The following LHFPL6 variants were observed in gnomAD, a reference collection of about 807,000 sequenced individuals.
LHFPL6 encodes the protein LHFPL tetraspan subfamily member 6 protein.
In LHFPL6, 9 loss-of-function variants were observed where a neutral mutation model predicts 20.6. That is an observed-to-expected ratio of 0.44 (90% CI 0.26 to 0.76). LHFPL6 has a LOEUF of 0.76. Among genes scored for constraint, LHFPL6 ranks in the 30% least tolerant of loss-of-function variants. LHFPL6 has a pLI of 0.20. For synonymous variants in LHFPL6, 105 were observed against 98.7 expected (o/e 1.06, Z -0.38); for missense variants, 218 against 253.5 (o/e 0.86, Z 0.95).
chr13:39,552,553 G>A (rs1305018534), intron 2 of LHFPL6, among the ~76,000 whole-genome samples: 1 of 152,102 alleles, frequency 6.6e-6, no homozygotes, highest in African/African-American at 2.4e-5. Flanking sequence ...ACTTCATAAG[G>A]GACACATTCA....
chr13:39,603,172 G>A lies in LHFPL6; in HGVS notation c.-464C>T, dbSNP rs1873029652. On this transcript the variant is annotated 5_prime_UTR_variant, in exon 1 of 4. Transcript: ENST00000379589. ...CGCGCGCGGGCGCCGGGGATCGCAC[G>A]CAGAGGAGCGGATCTCCCTTTGGCA... The A allele has an allele frequency of 6.6e-6, 1 of 152,312 alleles. No individual in the cohort carries two copies. The highest frequency in any genetic ancestry group is 2.4e-5 in the African/African-American group (1 of 41,450). 9.4% of individuals were successfully genotyped at this position (152,312 alleles called of 1,614,324 possible).
At chr13:39,357,693 A>G (rs574224553) in intron 3 of LHFPL6, among the ~76,000 whole-genome samples, 17 of 152,346 alleles carry the variant, frequency 1.1e-4, no homozygotes, top group African/African-American at 3.8e-4. Flanking sequence ...TAGCATTTTT[A>G]TACACCAATC....
rs112214926 is a variant in LHFPL6, at chr13:39,482,655, C to T, written c.386-104129G>A. ...ACAGAGAATTAACTACTGGATTTGG[C>T]AAAACTGAGGTCATAGGTAACTTCA... On this transcript the variant is annotated intron_variant, in intron 2 of 3. Transcript: ENST00000379589. Among the ~76,000 whole-genome samples, 367 of 152,168 alleles carry T rather than the reference C, an allele frequency of 2.4e-3. 2 individuals are homozygous for T. The highest frequency in any genetic ancestry group is 8.0e-3 in the African/African-American group (334 of 41,510).
chr13:39,457,547 G>C (rs2148932), intron 2 of LHFPL6, among the ~76,000 whole-genome samples: 28,532 of 152,156 alleles, frequency 0.19, 2,956 homozygotes, highest in Non-Finnish European at 0.24. Context: ...AAATCATACA[G>C]GTACTTGGGA....
chr13:39,493,559 C>T (rs189053194), intron 2 of LHFPL6, among the ~76,000 whole-genome samples: 2 of 152,230 alleles, frequency 1.3e-5, no homozygotes, highest in African/African-American at 2.4e-5. Flanking sequence ...AGGATAATCA[C>T]CACTTTTTAA....
At chr13:39,346,995 ACTT>A (rs1442806665) in intron 3 of LHFPL6, among the ~76,000 whole-genome samples, 1 of 147,146 alleles carries the variant, frequency 6.8e-6, no homozygotes, top group Non-Finnish European at 1.5e-5. Flanking sequence ...CATAAGAATC[ACTT>A]GAACCCGGGA....
At chr13:39,532,697 A>G (rs146074125) in intron 2 of LHFPL6, among the ~76,000 whole-genome samples, 117 of 152,298 alleles carry the variant, frequency 7.7e-4, no homozygotes, top group African/African-American at 2.5e-3. Flanking sequence ...GACTAGTAAA[A>G]TACAATATAA....
At chr13:39,451,046 T>C (rs1027317084) in intron 2 of LHFPL6, among the ~76,000 whole-genome samples, 19 of 152,202 alleles carry the variant, frequency 1.2e-4, no homozygotes, top group African/African-American at 4.3e-4. Flanking sequence ...ATATTTTATT[T>C]CTACTCTCCG....
At chr13:39,472,899 C>A (rs901543347) in intron 2 of LHFPL6, among the ~76,000 whole-genome samples, 14 of 152,228 alleles carry the variant, frequency 9.2e-5, no homozygotes, top group Admixed American at 2.0e-4. Flanking sequence ...GCGTGAGCCA[C>A]CGTGCCCGGC....
At chr13:39,417,894 A>G (rs1871384924) in intron 2 of LHFPL6, among the ~76,000 whole-genome samples, 1 of 152,334 alleles carries the variant, frequency 6.6e-6, no homozygotes, top group Admixed American at 6.5e-5. Flanking sequence ...AAAGGAAGAA[A>G]GGAGCATGGG....
At chr13:39,494,221 C>T (rs2138456857) in intron 2 of LHFPL6, among the ~76,000 whole-genome samples, 1 of 152,330 alleles carries the variant, frequency 6.6e-6, no homozygotes, top group Admixed American at 6.5e-5. Context: ...GCACACTGGC[C>T]TCAAATGCCA....
intron 2 of LHFPL6, among the ~76,000 whole-genome samples, chr13:39,412,127 G>A (rs188886408): frequency 1.2e-3 from 189 of 152,264 alleles, no homozygotes; most frequent in African/African-American, 4.3e-3. Context: ...TGTTTCAACC[G>A]TTATACATTT....
intron 2 of LHFPL6, among the ~76,000 whole-genome samples, chr13:39,527,147 T>G (rs1870315159): frequency 1.3e-5 from 2 of 152,172 alleles, no homozygotes; most frequent in South Asian, 2.1e-4. Flanking sequence ...AAATTTGCAT[T>G]CTAGGTTAAA....
chr13:39,523,038 GA>G (rs1045252129), intron 2 of LHFPL6, among the ~76,000 whole-genome samples: 1 of 152,094 alleles, frequency 6.6e-6, no homozygotes, highest in South Asian at 2.1e-4. Flanking sequence ...GTCTTTGTAG[GA>G]AAAAAAGAAC....
At chr13:39,480,460 C>G (rs1270482769) in intron 2 of LHFPL6, among the ~76,000 whole-genome samples, 1 of 152,194 alleles carries the variant, frequency 6.6e-6, no homozygotes, top group Admixed American at 6.6e-5. Context: ...GATAAAAGTT[C>G]TCTTCTGATA....
At chr13:39,460,500 C>T (rs1872664824) in intron 2 of LHFPL6, among the ~76,000 whole-genome samples, 1 of 152,224 alleles carries the variant, frequency 6.6e-6, no homozygotes, top group African/African-American at 2.4e-5. Context: ...CACAGCATCC[C>T]TTTCTCAGCA....
At chr13:39,540,070 T>G (rs1422641731) in intron 2 of LHFPL6, among the ~76,000 whole-genome samples, 1 of 152,138 alleles carries the variant, frequency 6.6e-6, no homozygotes, top group African/African-American at 2.4e-5. Context: ...TGATTCAGAT[T>G]TTTTAAAAAC....
chr13:39,392,877 C>T (rs924634573), intron 2 of LHFPL6, among the ~76,000 whole-genome samples: 11 of 152,040 alleles, frequency 7.2e-5, no homozygotes, highest in African/African-American at 2.7e-4. Flanking sequence ...TCCATGAGTT[C>T]TGAATCCATG....
intron 2 of LHFPL6, among the ~76,000 whole-genome samples, chr13:39,389,335 C>A (rs183690111): frequency 6.6e-6 from 1 of 152,102 alleles, no homozygotes; most frequent in African/African-American, 2.4e-5. Context: ...AGGGTCCCAG[C>A]GAATGTACCT....
Sources: gnomAD v4.1 joint callset for allele counts (sites outside exome capture counted in the v4.1 genomes callset) on GRCh38, gnomAD v4.1.1 for gene constraint, MANE v1.5 for transcripts, NCBI Gene and HGNC (gene_info 2026-07-23, HGNC 2026-07-21) for gene names.